The following CNTNAP2 variants were observed in gnomAD, a reference collection of about 807,000 sequenced individuals.
CNTNAP2 encodes contactin associated protein 2.
CNTNAP2 carries 98 observed loss-of-function variants against 155.2 expected under a neutral mutation model. That is an observed-to-expected ratio of 0.63 (90% CI 0.54 to 0.75). The LOEUF (loss-of-function observed/expected upper bound fraction) is 0.75. Ranked by LOEUF, CNTNAP2 falls within the 30% of genes least tolerant of loss-of-function variation. CNTNAP2 has a pLI of 0.00. For synonymous variants in CNTNAP2, 651 were observed against 631.2 expected, an observed-to-expected ratio of 1.03 and a Z score of -0.47; for missense variants, 1,727 against 1,688.1, an observed-to-expected ratio of 1.02 and a Z score of -0.40.
In CNTNAP2 at chr7:147,342,157, C is replaced by A. The variant is rs969852669; in HGVS notation, c.1498+41867C>A. On this transcript the variant is annotated intron_variant, in intron 9 of 23. Transcript: ENST00000361727. ...TGCCATGAAGGCTACACTCTCATAA[C>A]CTAATTATATCCCAAAGGTCCCATC... Among the ~76,000 whole-genome samples the A allele has an allele frequency of 2.0e-5, 3 of 152,094 alleles. No homozygotes were observed. In the East Asian group the frequency reaches 5.8e-4, roughly 29 times the overall value.
chr7:148,180,175 A>C (rs1317900342), intron 18 of CNTNAP2, among the ~76,000 whole-genome samples: 1 of 152,238 alleles, frequency 6.6e-6, no homozygotes. Context: ...CAGTCTTAAT[A>C]ATCCCAGCTT....
intron 8 of CNTNAP2, among the ~76,000 whole-genome samples, chr7:147,153,461 C>T (rs1220940124): frequency 6.6e-6 from 1 of 152,004 alleles, no homozygotes; most frequent in Non-Finnish European, 1.5e-5. Flanking sequence ...TCAGCATAAA[C>T]CTTATAACAA....
chr7:146,991,925 T>C (rs1798215342), intron 3 of CNTNAP2, among the ~76,000 whole-genome samples: 1 of 152,198 alleles, frequency 6.6e-6, no homozygotes, highest in Admixed American at 6.6e-5. Context: ...TTATCATAAA[T>C]GTATTGTTAC....
intron 1 of CNTNAP2, among the ~76,000 whole-genome samples, chr7:146,308,171 A>G (rs1800750526): frequency 6.6e-6 from 1 of 152,230 alleles, no homozygotes; most frequent in Non-Finnish European, 1.5e-5. Flanking sequence ...GGCAAAGGAT[A>G]TGAACAGACA....
intron 11 of CNTNAP2, among the ~76,000 whole-genome samples, chr7:147,543,605 T>C (rs567396279): frequency 7.2e-5 from 11 of 152,320 alleles, no homozygotes; most frequent in South Asian, 2.1e-4. Flanking sequence ...ATGAAGATTA[T>C]CTAATTCAGA....
intron 13 of CNTNAP2, among the ~76,000 whole-genome samples, chr7:147,690,929 A>G (rs1796078451): frequency 6.6e-6 from 1 of 152,040 alleles, no homozygotes; most frequent in Admixed American, 6.6e-5. Flanking sequence ...GGTTAGTTAT[A>G]TTATTATTTC....
At chr7:146,974,973 A>AAAAAC (rs775428641) in intron 3 of CNTNAP2, among the ~76,000 whole-genome samples, 5 of 152,190 alleles carry the variant, frequency 3.3e-5, no homozygotes, top group African/African-American at 9.7e-5. Context: ...CTCTATCTAA[A>AAAAAC]AAAACAAAAC....
chr7:146,875,389 A>G (rs1562982741), intron 3 of CNTNAP2, among the ~76,000 whole-genome samples: 1 of 152,186 alleles, frequency 6.6e-6, no homozygotes, highest in Non-Finnish European at 1.5e-5. Context: ...GCTTAAATCT[A>G]GGCCCTGACC....
chr7:146,217,057 T>G (rs933118732), intron 1 of CNTNAP2, among the ~76,000 whole-genome samples: 1 of 152,164 alleles, frequency 6.6e-6, no homozygotes, highest in Non-Finnish European at 1.5e-5. Flanking sequence ...TTTAGGAACT[T>G]TCATTTTTAA....
rs766917054 is a variant in CNTNAP2, at chr7:147,242,987, A to ATTTTTTTTTTTTTTTTTTTTTTTT, written c.1349-57148_1349-57125dup. Among the ~76,000 whole-genome samples, 12 of 47,166 alleles carry ATTTTTTTTTTTTTTTTTTTTTTTT rather than the reference A, an allele frequency of 2.5e-4. 5 individuals carry two copies. Among genetic ancestry groups the ATTTTTTTTTTTTTTTTTTTTTTTT allele is most frequent in the African/African-American group, 8.5e-4 (10 of 11,754 alleles). 30.9% of individuals were successfully genotyped at this position (47,166 alleles called of 152,430 possible). A position where few individuals can be genotyped will look rare whatever the true frequency, so the allele number is the denominator to read the frequency against. ...TGTTGTATTCCACACTATGCTTTGCATTTTTTTTTTTTTTTTTTTTTTTTT... is the reference window on the plus strand; with the variant it reads ...TGTTGTATTCCACACTATGCTTTGCATTTTTTTTTTTTTTTTTTTTTTTTTTTTTTTTTTTTTTTTTTTTTTTTT... On this transcript the variant is annotated intron_variant, in intron 8 of 23. Transcript: ENST00000361727.
intron 13 of CNTNAP2, among the ~76,000 whole-genome samples, chr7:147,680,402 A>G (rs1427200835): frequency 6.6e-6 from 1 of 151,932 alleles, no homozygotes; most frequent in Non-Finnish European, 1.5e-5. Flanking sequence ...CATCAAGCAT[A>G]TCAAGACATA....
intron 16 of CNTNAP2, among the ~76,000 whole-genome samples, chr7:148,125,989 T>C (rs1585139800): frequency 6.6e-6 from 1 of 152,098 alleles, no homozygotes; most frequent in East Asian, 1.9e-4. Flanking sequence ...AGGTATAAGC[T>C]ACCACCTACA....
At chr7:148,016,672 G>A (rs887462412) in intron 15 of CNTNAP2, among the ~76,000 whole-genome samples, 11 of 152,188 alleles carry the variant, frequency 7.2e-5, no homozygotes, top group African/African-American at 2.7e-4. Flanking sequence ...TTTAAAGAAG[G>A]AAGAAGTTAC....
At chr7:147,756,750 A>G (rs1161674269) in intron 13 of CNTNAP2, among the ~76,000 whole-genome samples, 1 of 152,232 alleles carries the variant, frequency 6.6e-6, no homozygotes, top group Non-Finnish European at 1.5e-5. Context: ...GTAGGCAGGA[A>G]ATCATTTTCT....
chr7:147,041,142 A>G (rs1257570357), intron 3 of CNTNAP2, among the ~76,000 whole-genome samples: 2 of 152,204 alleles, frequency 1.3e-5, no homozygotes, highest in Non-Finnish European at 2.9e-5. Context: ...CAACAACAAT[A>G]CATGCTATAT....
At chr7:148,102,237 T>G (rs1563200050) in intron 15 of CNTNAP2, among the ~76,000 whole-genome samples, 1 of 152,204 alleles carries the variant, frequency 6.6e-6, no homozygotes, top group African/African-American at 2.4e-5. Context: ...GGTATTTGAT[T>G]TTCTGTGTCA....
intron 1 of CNTNAP2, among the ~76,000 whole-genome samples, chr7:146,712,655 T>C (rs1044671122): frequency 6.6e-6 from 1 of 151,750 alleles, no homozygotes; most frequent in Admixed American, 6.6e-5. Context: ...TGATCTACTT[T>C]TGCCTTTTTT....
chr7:146,395,418 C>T (rs1795605530), intron 1 of CNTNAP2, among the ~76,000 whole-genome samples: 1 of 151,736 alleles, frequency 6.6e-6, no homozygotes, highest in South Asian at 2.1e-4. Flanking sequence ...GTACTGCGTA[C>T]ACATTACATG....
In CNTNAP2 at chr7:147,919,615, C is replaced by T. The variant is rs540982695; in HGVS notation, c.2255+15894C>T. On this transcript the variant is annotated intron_variant, in intron 14 of 23. Transcript: ENST00000361727. ...CTGGGACTACAGGCAGCCGCCACCA[C>T]GCCTGGCTAATTTTTTGTATTTTTA... 5.3e-4 allele frequency among the ~76,000 whole-genome samples: 81 copies of T among 151,668 alleles called. No individual in the cohort carries two copies. In the Middle Eastern group the frequency reaches 0.01, roughly 19 times the overall value.
Sources: allele counts gnomAD v4.1 joint callset (sites outside exome capture counted in the v4.1 genomes callset), GRCh38; gene constraint gnomAD v4.1.1; transcripts MANE v1.5; gene names NCBI Gene and HGNC (gene_info 2026-07-23, HGNC 2026-07-21).